The following MPHOSPH10 variants were observed in gnomAD, a reference collection of about 807,000 sequenced individuals.
MPHOSPH10 encodes the protein M-phase phosphoprotein 10.
In MPHOSPH10, 33 loss-of-function variants were observed where a neutral mutation model predicts 77.3. That is an observed-to-expected ratio of 0.43 (90% CI 0.32 to 0.57). The LOEUF (loss-of-function observed/expected upper bound fraction) is 0.57. Among genes scored for constraint, MPHOSPH10 ranks in the 20% least tolerant of loss-of-function variants. The pLI is 0.07. For synonymous variants in MPHOSPH10, 245 were observed against 268.0 expected (o/e 0.91, Z 0.84); for missense variants, 708 against 780.1 (o/e 0.91, Z 1.10).
chr2:71,137,436 AT>A (rs1241994960), intron 4 of MPHOSPH10, among the ~76,000 whole-genome samples: 1 of 152,118 alleles, frequency 6.6e-6, no homozygotes, highest in Non-Finnish European at 1.5e-5. Flanking sequence ...AGGCAGGAGG[AT>A]TGCTTGAGCT....
chr2:71,147,932 C>A (rs546438449), intron 8 of MPHOSPH10, 67 bp from the exon 9 acceptor site: 177 of 1,190,970 alleles, frequency 1.5e-4, no homozygotes, highest in Non-Finnish European at 2.0e-4. Flanking sequence ...TTAATAGGTT[C>A]ACAGTTCACA....
intron 9 of MPHOSPH10, 54 bp from the exon 10 acceptor site, chr2:71,149,169 T>G (rs2103684112): frequency 6.8e-7 from 1 of 1,474,010 alleles, no homozygotes. Flanking sequence ...CCATTCCAGT[T>G]TCCTAGTTGT....
Position 71,139,859 on chromosome 2 carries a change from T to C in MPHOSPH10, c.1305T>C (p.Asp435=). The C allele has an allele frequency of 1.3e-6, 2 of 1,595,236 alleles. No individual in the cohort carries two copies. Among genetic ancestry groups the C allele is most frequent in the Non-Finnish European group, 8.6e-7 (1 of 1,169,442 alleles). The part of the protein sequence containing the change: ...LEDIIKQRIR[D]QAWDDVVRKE... ...ATATCATTAAACAGAGGATAAGAGA[T>C]CAGGTCAGTAAGAATTAAATTTAAC... is the stretch of plus-strand genomic sequence containing the variant. The change falls in exon 6 of 11, where the codon GAT becomes GAC. Residue 435 remains aspartate (D), a synonymous_variant. Coordinates refer to ENST00000244230, the MANE Select transcript of MPHOSPH10 (RefSeq NM_005791.3).
At chr2:71,143,221 A>T (rs1478642532) in intron 7 of MPHOSPH10, among the ~76,000 whole-genome samples, 1 of 149,758 alleles carries the variant, frequency 6.7e-6, no homozygotes, top group Admixed American at 6.7e-5. Flanking sequence ...AGCTCACTGC[A>T]ACGTCTGCCT....
At chr2:71,139,653 A>G (rs1172221735) in intron 5 of MPHOSPH10, 142 bp from the exon 6 acceptor site, 2 of 600,194 alleles carry the variant, frequency 3.3e-6, no homozygotes, top group African/African-American at 1.9e-5. Context: ...CCACTTTCTG[A>G]TTCAGGAAGT....
chr2:71,138,301 ATTGT>A (rs930973117), intron 4 of MPHOSPH10, among the ~76,000 whole-genome samples, 185 bp from the exon 5 acceptor site: 16 of 152,158 alleles, frequency 1.1e-4, no homozygotes, highest in African/African-American at 3.9e-4. Flanking sequence ...AGGAAAAGAA[ATTGT>A]TTGCAGCTCA....
rs1186021869 is a variant in MPHOSPH10 at position 71,134,769 on chromosome 2, A to C, written c.1070A>C (p.Lys357Thr). The change falls in exon 4 of 11, where the codon AAA (lysine) becomes ACA (threonine). Residue 357 changes from lysine to threonine, a missense_variant. Physicochemically the swap from Lys to Thr is moderately conservative, Grantham distance 78. Transcript: ENST00000244230. ...LNVKKNSDEV[K>T]SSFEKRQEKM... ...GTAAAGAAAAATTCTGATGAAGTTAAATCCTCCTTTGAAAAAAGACAGGAA... is the reference window on the plus strand; with the variant it reads ...GTAAAGAAAAATTCTGATGAAGTTACATCCTCCTTTGAAAAAAGACAGGAA... 1 of 1,594,282 alleles carries C rather than the reference A, an allele frequency of 6.3e-7. No individual in the cohort carries two copies. The highest frequency in any genetic ancestry group is 1.8e-5 in the Admixed American group (1 of 55,242).
intron 1 of MPHOSPH10, among the ~76,000 whole-genome samples, chr2:71,132,209 C>G (rs944629206): frequency 6.6e-6 from 1 of 152,202 alleles, no homozygotes; most frequent in Non-Finnish European, 1.5e-5. Flanking sequence ...AATCACTGTA[C>G]TTTCCTCCTC....
intron 4 of MPHOSPH10, among the ~76,000 whole-genome samples, chr2:71,137,936 T>A (rs1241073626): frequency 6.6e-6 from 1 of 151,964 alleles, no homozygotes; most frequent in Non-Finnish European, 1.5e-5. Context: ...TACTAAAAAA[T>A]ACAAAAATTA....
At chr2:71,131,771 G>T (rs1453588199) in intron 1 of MPHOSPH10, among the ~76,000 whole-genome samples, 1 of 152,196 alleles carries the variant, frequency 6.6e-6, no homozygotes, top group Non-Finnish European at 1.5e-5. Context: ...AAGGTCGATT[G>T]ATCAGTTAAG....
At chr2:71,147,081 G>C (rs1223286714) in intron 8 of MPHOSPH10, among the ~76,000 whole-genome samples, 2 of 152,150 alleles carry the variant, frequency 1.3e-5, no homozygotes, top group South Asian at 2.1e-4. Flanking sequence ...GAGTTTTTCA[G>C]TATTATTTCA....
At chr2:71,144,344 A>C (rs1673668740) in intron 7 of MPHOSPH10, 84 bp from the exon 8 acceptor site, 1 of 1,008,306 alleles carries the variant, frequency 9.9e-7, no homozygotes, top group African/African-American at 1.6e-5. Context: ...GAGAAGTTAG[A>C]AATACTCTCA....
chr2:71,142,825 A>G (rs1673636173), intron 7 of MPHOSPH10, among the ~76,000 whole-genome samples: 1 of 152,218 alleles, frequency 6.6e-6, no homozygotes, highest in Non-Finnish European at 1.5e-5. Context: ...CATCTCTGTC[A>G]TCAGGATCAG....
intron 8 of MPHOSPH10, among the ~76,000 whole-genome samples, chr2:71,146,839 C>A (rs357746): frequency 0.3 from 45,143 of 151,944 alleles, 6,866 homozygotes; most frequent in Admixed American, 0.39. Context: ...TTTCCTTGAG[C>A]AAATAACTCC....
chr2:71,146,744 A>G (rs906201437), intron 8 of MPHOSPH10, among the ~76,000 whole-genome samples: 1 of 152,202 alleles, frequency 6.6e-6, no homozygotes, highest in Non-Finnish European at 1.5e-5. Flanking sequence ...AGTGGAAGAA[A>G]TGATTTCTTT....
At chr2:71,141,393 C>A in intron 7 of MPHOSPH10, 24 bp downstream of exon 7, 2 of 1,456,636 alleles carry the variant, frequency 1.4e-6, no homozygotes, top group Non-Finnish European at 1.8e-6. Flanking sequence ...TAAGGCCAAG[C>A]CATTATTATT....
intron 4 of MPHOSPH10, among the ~76,000 whole-genome samples, chr2:71,137,928 C>T (rs1483728626): frequency 1.3e-5 from 2 of 151,856 alleles, no homozygotes; most frequent in Admixed American, 6.6e-5. Context: ...CCCGTCTCTA[C>T]TAAAAAATAC....
chr2:71,141,810 G>A (rs905746413), intron 7 of MPHOSPH10, among the ~76,000 whole-genome samples: 2 of 151,976 alleles, frequency 1.3e-5, no homozygotes, highest in Admixed American at 1.3e-4. Flanking sequence ...CGGGCGGATT[G>A]CTTGAGGTCA....
chr2:71,131,159 A>G (rs1485750535), intron 1 of MPHOSPH10, among the ~76,000 whole-genome samples: 2 of 152,220 alleles, frequency 1.3e-5, no homozygotes, highest in Non-Finnish European at 2.9e-5. Flanking sequence ...TTCTTCAGAA[A>G]TAGAACTTCC....
Sources: gnomAD v4.1 joint callset for allele counts (sites outside exome capture counted in the v4.1 genomes callset) on GRCh38, gnomAD v4.1.1 for gene constraint, MANE v1.5 for transcripts, NCBI Gene and HGNC (gene_info 2026-07-23, HGNC 2026-07-21) for gene names.